The following CCDC171 variants were observed in gnomAD, a reference collection of about 807,000 sequenced individuals.
CCDC171 encodes the protein coiled-coil domain-containing protein 171.
CCDC171 carries 177 observed loss-of-function variants against 168.2 expected under a neutral mutation model. The observed-to-expected ratio is 1.05, with a 90% CI of 0.93 to 1.19. The LOEUF (loss-of-function observed/expected upper bound fraction) is 1.19. Among genes scored for constraint, CCDC171 ranks in the 50% most tolerant of loss-of-function variants. The probability of loss-of-function intolerance (pLI) is 0.00; values close to 1 mark genes in which losing one functional copy is unlikely to be tolerated. For missense variants in CCDC171, 1,991 were observed against 1,539.0 expected, an observed-to-expected ratio of 1.29 and a Z score of -4.91; for synonymous variants, 687 against 540.8, an observed-to-expected ratio of 1.27 and a Z score of -3.75.
chr9:15,613,460 A>G (rs962465423), intron 6 of CCDC171, among the ~76,000 whole-genome samples: 1 of 152,132 alleles, frequency 6.6e-6, no homozygotes, highest in African/African-American at 2.4e-5. Flanking sequence ...AATGTTATCT[A>G]TACATACATT....
At chr9:15,565,122 T>C (rs1211704447) in intron 2 of CCDC171, among the ~76,000 whole-genome samples, 1 of 147,462 alleles carries the variant, frequency 6.8e-6, no homozygotes, top group East Asian at 2.0e-4. Context: ...AGAATCTTGC[T>C]CTGTCGCCCA....
At chr9:15,617,684 G>A (rs973815458) in intron 6 of CCDC171, among the ~76,000 whole-genome samples, 1 of 152,032 alleles carries the variant, frequency 6.6e-6, no homozygotes, top group African/African-American at 2.4e-5. Flanking sequence ...CCTGTGGGGG[G>A]GGTTCTTGAT....
At chr9:15,947,432 T>C (rs1433549218) in intron 25 of CCDC171, among the ~76,000 whole-genome samples, 1 of 152,034 alleles carries the variant, frequency 6.6e-6, no homozygotes, top group African/African-American at 2.4e-5. Flanking sequence ...AAGTATTTCA[T>C]ATAAGTAGAA....
intron 10 of CCDC171, among the ~76,000 whole-genome samples, chr9:15,680,237 G>T (rs1433155866): frequency 6.6e-6 from 1 of 152,192 alleles, no homozygotes; most frequent in African/African-American, 2.4e-5. Context: ...TTTGGTTGAT[G>T]CAGAATCCTC....
chr9:15,685,423 T>G (rs748769470), intron 10 of CCDC171, among the ~76,000 whole-genome samples: 10 of 152,020 alleles, frequency 6.6e-5, no homozygotes, highest in Non-Finnish European at 1.3e-4. Flanking sequence ...CCCAGGAGTT[T>G]GAGACCAGCC....
chr9:15,743,519 G>A (rs1007602757), intron 16 of CCDC171, among the ~76,000 whole-genome samples: 2 of 152,114 alleles, frequency 1.3e-5, no homozygotes, highest in African/African-American at 4.8e-5. Flanking sequence ...ATTAGGTTAA[G>A]ATTTCATAGA....
At chr9:15,989,528 C>G (rs550001225) in intron 3 of CCDC171, among the ~76,000 whole-genome samples, 1 of 152,154 alleles carries the variant, frequency 6.6e-6, no homozygotes, top group Non-Finnish European at 1.5e-5. Flanking sequence ...GCCTCTCCCC[C>G]TCCAAAGGAA....
chr9:15,566,691 A>T lies in CCDC171; in HGVS notation c.41+2562A>T, dbSNP rs191965054. On this transcript the variant is annotated intron_variant, in intron 2 of 25. Transcript: ENST00000380701. Reference sequence around the variant, plus strand: ...TTTTAACTTTGATGAAGTCCAGTTTATCAGTTCTTTTCCTATAGGAGTTGT... The same window carrying T: ...TTTTAACTTTGATGAAGTCCAGTTTTTCAGTTCTTTTCCTATAGGAGTTGT... Among the ~76,000 whole-genome samples, 5 of 152,330 alleles carry T rather than the reference A, an allele frequency of 3.3e-5. No homozygotes were observed. The East Asian group carries it at 9.6e-4, about 29-fold the overall frequency.
intron 3 of CCDC171, among the ~76,000 whole-genome samples, chr9:15,993,584 A>G (rs936313606): frequency 2.6e-5 from 4 of 152,228 alleles, no homozygotes; most frequent in Non-Finnish European, 5.9e-5. Context: ...AAAAGCCAAA[A>G]TTGACAAATG....
chr9:15,784,131 C>G (rs375561422), intron 20 of CCDC171, among the ~76,000 whole-genome samples: 8 of 152,068 alleles, frequency 5.3e-5, no homozygotes, highest in Non-Finnish European at 1.0e-4. Flanking sequence ...TAATAACATA[C>G]GCTGAACACA....
intron 25 of CCDC171, among the ~76,000 whole-genome samples, chr9:15,936,498 C>T (rs144408200): frequency 1.3e-5 from 2 of 152,044 alleles, no homozygotes; most frequent in African/African-American, 4.8e-5. Flanking sequence ...TGTGCAGCTG[C>T]CACTTGAGAG....
chr9:16,025,182 C>T (rs1292917579), intron 6 of CCDC171, among the ~76,000 whole-genome samples: 1 of 152,184 alleles, frequency 6.6e-6, no homozygotes, highest in Non-Finnish European at 1.5e-5. Flanking sequence ...TGGCTCACAC[C>T]TGTAATCTCA....
chr9:16,029,557 A>G (rs1833333962), intron 6 of CCDC171, among the ~76,000 whole-genome samples: 1 of 152,190 alleles, frequency 6.6e-6, no homozygotes, highest in Non-Finnish European at 1.5e-5. Context: ...AGTGCTCTGT[A>G]TTTGTTAGGC....
At chr9:15,976,360 T>G (rs1180303555), downstream of CCDC171, among the ~76,000 whole-genome samples, 1 of 152,178 alleles carries the variant, frequency 6.6e-6, no homozygotes. Context: ...GGTTTCCATT[T>G]TATATTCATG....
rs375238246 is a variant in CCDC171, at chr9:15,583,957, T to A, written c.352+4934T>A. Among the ~76,000 whole-genome samples, 100 of 152,194 alleles carry A rather than the reference T, an allele frequency of 6.6e-4. 1 individual carries two copies. The East Asian group carries it at 0.018, about 28-fold the overall frequency. On this transcript the variant is annotated intron_variant, in intron 4 of 25. Transcript: ENST00000380701. ...ATCTCGGCTCACTGCAACCACCGCC[T>A]CCCGGGTTCAAGCAATTCTCTGCCT...
intron 3 of CCDC171, among the ~76,000 whole-genome samples, chr9:16,015,863 A>G (rs972977297): frequency 8.5e-5 from 13 of 152,194 alleles, no homozygotes; most frequent in Admixed American, 7.9e-4. Flanking sequence ...GTTGACTCCT[A>G]CAGTGTTTAT....
chr9:15,737,115 A>G (rs2054547421), intron 16 of CCDC171, among the ~76,000 whole-genome samples: 1 of 152,146 alleles, frequency 6.6e-6, no homozygotes, highest in African/African-American at 2.4e-5. Flanking sequence ...AATACACTAT[A>G]TCATAAATTG....
intron 25 of CCDC171, among the ~76,000 whole-genome samples, chr9:15,938,679 C>T (rs1399992728): frequency 1.3e-5 from 2 of 151,772 alleles, no homozygotes; most frequent in Non-Finnish European, 2.9e-5. Context: ...AGCTGTCTTT[C>T]CCAGAACTTT....
rs987532807 is a variant in CCDC171, at chr9:15,617,056, C to G, written c.676-6211C>G. Among the ~76,000 whole-genome samples the G allele has an allele frequency of 6.6e-5, 10 of 152,278 alleles. No individual in the cohort carries two copies. In the East Asian group the frequency reaches 7.7e-4, roughly 12 times the overall value. On this transcript the variant is annotated intron_variant, in intron 6 of 25. Coordinates refer to ENST00000380701, the MANE Select transcript of CCDC171 (RefSeq NM_173550.4). ...TGTCACATGGAATTTATGTTCCTCTCTATACTGGTTATTCTAGTTAGCAGT... is the reference window on the plus strand; with the variant it reads ...TGTCACATGGAATTTATGTTCCTCTGTATACTGGTTATTCTAGTTAGCAGT...
Sources: gnomAD v4.1 joint callset for allele counts (sites outside exome capture counted in the v4.1 genomes callset) on GRCh38, gnomAD v4.1.1 for gene constraint, MANE v1.5 for transcripts, NCBI Gene and HGNC (gene_info 2026-07-23, HGNC 2026-07-21) for gene names.